TSHZ3: variants seen among roughly 807,000 people sequenced by gnomAD.
TSHZ3 encodes the protein teashirt zinc finger homeobox 3, also known as teashirt homolog 3.
TSHZ3 carries 10 observed loss-of-function variants against 64.5 expected under a neutral mutation model. The ratio of observed to expected loss-of-function variants is 0.16; its 90% CI spans 0.10 to 0.26. The LOEUF (loss-of-function observed/expected upper bound fraction) is 0.26. Ranked by LOEUF, TSHZ3 falls within the 10% of genes least tolerant of loss-of-function variation. The probability of loss-of-function intolerance (pLI) is 1.00; values close to 1 mark genes in which losing one functional copy is unlikely to be tolerated. For synonymous variants in TSHZ3, 608 were observed against 593.1 expected (o/e 1.03, Z -0.36); for missense variants, 1,242 against 1,421.7 (o/e 0.87, Z 2.03).
intron 5 of TSHZ3, among the ~76,000 whole-genome samples, chr19:31,171,819 A>C (rs555526785): frequency 6.6e-6 from 1 of 152,220 alleles, no homozygotes; most frequent in African/African-American, 2.4e-5. Context: ...CTTCCATCAG[A>C]GCCCTGTCCA....
Position 31,275,681 on chromosome 19 carries a change from C to A in TSHZ3, c.*866G>T, listed in dbSNP as rs927190720. On this transcript the variant is annotated 3_prime_UTR_variant, in exon 2 of 2. Transcript: ENST00000240587. ...CTATCAATATAGATGTACTGTATAG[C>A]AAAACAAACTATCATACTTTGCTTT... The A allele has an allele frequency of 1.3e-5, 2 of 152,308 alleles. No individual in the cohort carries two copies. The highest frequency in any genetic ancestry group is 4.8e-5 in the African/African-American group (2 of 41,314). The allele number at this position is 152,308 out of a possible 1,614,324, so 9.4% of individuals were successfully genotyped here. A position where few individuals can be genotyped will look rare whatever the true frequency, so the allele number is the denominator to read the frequency against.
chr19:31,219,587 C>T (rs1975373889), intron 4 of TSHZ3, among the ~76,000 whole-genome samples: 2 of 152,074 alleles, frequency 1.3e-5, no homozygotes, highest in Non-Finnish European at 2.9e-5. Context: ...CTATGAAGCA[C>T]TTGAAATGTG....
intron 5 of TSHZ3, among the ~76,000 whole-genome samples, chr19:31,167,097 GTAGGGC>G (rs1160240460): frequency 3.3e-5 from 5 of 152,206 alleles, no homozygotes; most frequent in African/African-American, 1.2e-4. Context: ...GCTTCACGCA[GTAGGGC>G]TTTTTGAGAA....
exon 7 of TSHZ3, among the ~76,000 whole-genome samples, chr19:31,151,643 C>T (rs1974240754): frequency 6.6e-6 from 1 of 152,100 alleles, no homozygotes; most frequent in African/African-American, 2.4e-5. Context: ...AACAAAATCT[C>T]GATGTGATTG....
chr19:31,185,458 A>C (rs536789366), intron 5 of TSHZ3, among the ~76,000 whole-genome samples: 126 of 152,334 alleles, frequency 8.3e-4, no homozygotes, highest in African/African-American at 2.9e-3. Context: ...TGCTTTGCCA[A>C]ATCCTCTATG....
chr19:31,350,296 T>C (rs1218650296), upstream of TSHZ3, among the ~76,000 whole-genome samples: 1 of 149,390 alleles, frequency 6.7e-6, no homozygotes, highest in East Asian at 2.1e-4. Context: ...CGTAGCCACT[T>C]CCCCCAATTT....
chr19:31,350,480 G>T (rs367560809), upstream of TSHZ3, among the ~76,000 whole-genome samples: 2 of 151,428 alleles, frequency 1.3e-5, no homozygotes, highest in Non-Finnish European at 3.0e-5. Flanking sequence ...AGGGCGGGAC[G>T]GGGGCGGGAG....
intron 1 of TSHZ3, among the ~76,000 whole-genome samples, chr19:31,267,288 C>T (rs1454505331): frequency 2.6e-5 from 4 of 152,116 alleles, no homozygotes; most frequent in Non-Finnish European, 5.9e-5. Flanking sequence ...GAGAATTGTG[C>T]AGGGTCCAGG....
At chr19:31,228,284 T>A (rs1474639296) in intron 3 of TSHZ3, among the ~76,000 whole-genome samples, 1 of 152,092 alleles carries the variant, frequency 6.6e-6, no homozygotes, top group Admixed American at 6.6e-5. Flanking sequence ...CCAGCACTTC[T>A]GGAGGTCAAG....
chr19:31,155,866 A>T (rs551127798), intron 6 of TSHZ3, among the ~76,000 whole-genome samples: 2 of 152,180 alleles, frequency 1.3e-5, no homozygotes, highest in African/African-American at 4.8e-5. Flanking sequence ...GCCTTCCCCA[A>T]CTTCCTGGAG....
At chr19:31,172,361 T>C (rs1031742649) in intron 5 of TSHZ3, among the ~76,000 whole-genome samples, 3 of 152,220 alleles carry the variant, frequency 2.0e-5, no homozygotes, top group Non-Finnish European at 4.4e-5. Flanking sequence ...AAATTTGGTA[T>C]AATATTTGTC....
chr19:31,243,722 G>A (rs2145185989), intron 1 of TSHZ3, among the ~76,000 whole-genome samples: 1 of 152,284 alleles, frequency 6.6e-6, no homozygotes, highest in East Asian at 1.9e-4. Context: ...ATATGGGGGA[G>A]CAGCGGAGTG....
intron 5 of TSHZ3, among the ~76,000 whole-genome samples, chr19:31,183,407 C>T (rs1426243304): frequency 6.6e-6 from 1 of 152,174 alleles, no homozygotes; most frequent in Non-Finnish European, 1.5e-5. Flanking sequence ...TGAAAAATGG[C>T]ATTCTGAGGC....
chr19:31,277,329 C>T lies in TSHZ3; in HGVS notation c.2464G>A (p.Val822Met), dbSNP rs769015900. The change falls in exon 2 of 2, where the codon GTG (valine) becomes ATG (methionine). Residue 822 changes from valine to methionine, a missense_variant. Transcript: ENST00000240587. The surrounding 1 kb of genome is among the most constrained non-coding windows in gnomAD (Gnocchi z 4.5). ...ACGGCAGATGTCTTTGCCGTTGTCA[C>T]CGTGGATGAGGAGGTTGCCGGGGCT... ...STAPATSSST[V>M]TTAKTSAVVS... 2 of 1,613,650 alleles carry T rather than the reference C, an allele frequency of 1.2e-6. No homozygotes were observed. Among genetic ancestry groups the T allele is most frequent in the Non-Finnish European group, 1.7e-6 (2 of 1,179,586 alleles).
intron 1 of TSHZ3, among the ~76,000 whole-genome samples, chr19:31,324,927 GTCTCAATACGTTTTACTACAA>G (rs1916888353): frequency 6.6e-6 from 1 of 152,118 alleles, no homozygotes; most frequent in South Asian, 2.1e-4. Flanking sequence ...CTGATGTGGT[GTCTCAATACGTTTTACTACAA>G]TGCCATCAAT....
chr19:31,343,414 A>G (rs1171062796), intron 1 of TSHZ3, among the ~76,000 whole-genome samples: 1 of 151,924 alleles, frequency 6.6e-6, no homozygotes, highest in African/African-American at 2.4e-5. Flanking sequence ...AAAATAATTT[A>G]CAGAATTGAA....
intron 5 of TSHZ3, among the ~76,000 whole-genome samples, chr19:31,179,633 G>A (rs571017471): frequency 6.6e-6 from 1 of 151,982 alleles, no homozygotes; most frequent in Admixed American, 6.6e-5. Flanking sequence ...TGGTGGTAGT[G>A]GTGACAGTGG....
At chr19:31,215,390 A>T (rs915038595) in intron 4 of TSHZ3, among the ~76,000 whole-genome samples, 1 of 152,198 alleles carries the variant, frequency 6.6e-6, no homozygotes, top group Non-Finnish European at 1.5e-5. Context: ...TAAACAAGAA[A>T]CATCAAAGAA....
chr19:31,306,131 C>T (rs896238445), intron 1 of TSHZ3, among the ~76,000 whole-genome samples: 2 of 152,142 alleles, frequency 1.3e-5, no homozygotes, highest in Non-Finnish European at 2.9e-5. Flanking sequence ...GCCCTCCCCA[C>T]GAGACGACGG....
Sources: gnomAD v4.1 joint callset for allele counts (sites outside exome capture counted in the v4.1 genomes callset) on GRCh38, gnomAD v4.1.1 for gene constraint, Gnocchi (gnomAD v3.1) non-coding constraint, MANE v1.5 for transcripts, NCBI Gene and HGNC (gene_info 2026-07-23, HGNC 2026-07-21) for gene names.